CNTNAP2: variants seen among roughly 807,000 people sequenced by gnomAD.
CNTNAP2 encodes contactin-associated protein-like 2.
A neutral mutation model predicts 155.2 loss-of-function variants in CNTNAP2; 98 were observed. The observed-to-expected ratio is 0.63, with a 90% CI of 0.54 to 0.75. The LOEUF (loss-of-function observed/expected upper bound fraction) is 0.75. Ranked by LOEUF, CNTNAP2 falls within the 30% of genes least tolerant of loss-of-function variation. CNTNAP2 has a pLI of 0.00. For missense variants in CNTNAP2, 1,727 were observed against 1,688.1 expected (o/e 1.02, Z -0.40); for synonymous variants, 651 against 631.2 (o/e 1.03, Z -0.47).
intron 11 of CNTNAP2, among the ~76,000 whole-genome samples, chr7:147,543,110 A>G (rs889903526): frequency 1.3e-5 from 2 of 152,246 alleles, no homozygotes; most frequent in Non-Finnish European, 2.9e-5. Context: ...GGATTTACCC[A>G]CATATTTATT....
chr7:146,299,417 T>C (rs1258357738), intron 1 of CNTNAP2, among the ~76,000 whole-genome samples: 2 of 152,294 alleles, frequency 1.3e-5, no homozygotes, highest in East Asian at 3.9e-4. Context: ...TTATTTATTT[T>C]AGAGTTGGAG....
At chr7:148,017,891 G>A (rs890367404) in intron 15 of CNTNAP2, among the ~76,000 whole-genome samples, 9 of 152,160 alleles carry the variant, frequency 5.9e-5, no homozygotes, top group Admixed American at 6.5e-5. Flanking sequence ...AAATAAGTTC[G>A]GCTACCCAAA....
chr7:146,362,766 C>CTTTTTTTTT (rs773124124), intron 1 of CNTNAP2, among the ~76,000 whole-genome samples: 1 of 96,450 alleles, frequency 1.0e-5, no homozygotes, highest in African/African-American at 4.5e-5. Context: ...TCACACAGCA[C>CTTTTTTTTT]TTTTTTTTTT....
At chr7:146,133,695 C>G (rs1030082141) in intron 1 of CNTNAP2, among the ~76,000 whole-genome samples, 5 of 152,050 alleles carry the variant, frequency 3.3e-5, no homozygotes, top group Admixed American at 1.3e-4. Flanking sequence ...GCTTGTTTTT[C>G]TCAGGTTTGT....
At chr7:146,835,320 C>T (rs1401097222) in intron 2 of CNTNAP2, among the ~76,000 whole-genome samples, 7 of 152,148 alleles carry the variant, frequency 4.6e-5, no homozygotes, top group African/African-American at 1.7e-4. Flanking sequence ...CCTGTTACCT[C>T]ATTGTATTAA....
intron 9 of CNTNAP2, among the ~76,000 whole-genome samples, chr7:147,394,854 CTT>C (rs1796785516): frequency 1.6e-5 from 2 of 121,478 alleles, no homozygotes; most frequent in South Asian, 5.2e-4. Context: ...TGTGTTTACT[CTT>C]GTTATTTACT....
chr7:147,083,201 A>G (rs898780981), intron 4 of CNTNAP2: 1 of 152,128 alleles, frequency 6.6e-6, no homozygotes, highest in Non-Finnish European at 1.5e-5. Context: ...TGGACACCCA[A>G]TGAGTAAAAT....
intron 2 of CNTNAP2, among the ~76,000 whole-genome samples, chr7:146,837,005 C>T (rs1184063419): frequency 6.6e-6 from 1 of 151,998 alleles, no homozygotes; most frequent in Non-Finnish European, 1.5e-5. Flanking sequence ...TTAAGATTTT[C>T]TCTTTAGCAT....
At chr7:147,402,021 A>G (rs1465823270) in intron 10 of CNTNAP2, among the ~76,000 whole-genome samples, 2 of 152,252 alleles carry the variant, frequency 1.3e-5, no homozygotes, top group African/African-American at 2.4e-5. Context: ...AACATGTAAC[A>G]TTTATCATTT....
At chr7:147,435,383 T>G (rs1056070480) in intron 10 of CNTNAP2, among the ~76,000 whole-genome samples, 3 of 152,176 alleles carry the variant, frequency 2.0e-5, no homozygotes, top group African/African-American at 7.2e-5. Context: ...CCAGGAGGGC[T>G]TGATTGCTAG....
intron 13 of CNTNAP2, chr7:147,673,250 G>T (rs1285727255): frequency 6.6e-6 from 1 of 152,182 alleles, no homozygotes; most frequent in East Asian, 1.9e-4. Flanking sequence ...TCAGTTGTTG[G>T]TATTGTCTGG....
At chr7:146,358,888 G>C (rs540474543) in intron 1 of CNTNAP2, among the ~76,000 whole-genome samples, 1 of 152,174 alleles carries the variant, frequency 6.6e-6, no homozygotes, top group Non-Finnish European at 1.5e-5. Flanking sequence ...GGAGGTCTTG[G>C]ATTCTGTTTC....
chr7:146,352,349 C>T (rs1158804217), intron 1 of CNTNAP2, among the ~76,000 whole-genome samples: 1 of 151,992 alleles, frequency 6.6e-6, no homozygotes, highest in African/African-American at 2.4e-5. Context: ...ACACGTATTC[C>T]AACAATGATG....
intron 4 of CNTNAP2, among the ~76,000 whole-genome samples, chr7:147,086,426 T>C (rs1257117893): frequency 6.6e-6 from 1 of 152,118 alleles, no homozygotes; most frequent in African/African-American, 2.4e-5. Context: ...AAATTTATTT[T>C]TATTTTTAAT....
intron 3 of CNTNAP2, among the ~76,000 whole-genome samples, chr7:147,009,423 C>A (rs536155996): frequency 2.0e-5 from 3 of 152,258 alleles, no homozygotes; most frequent in Admixed American, 2.0e-4. Flanking sequence ...TGACAACCGA[C>A]AGTTTTCATC....
At chr7:146,612,076 T>C (rs1466499341) in intron 1 of CNTNAP2, among the ~76,000 whole-genome samples, 2 of 152,198 alleles carry the variant, frequency 1.3e-5, no homozygotes, top group South Asian at 4.1e-4. Flanking sequence ...CCCCAAGCTT[T>C]ATTTAAATTG....
chr7:148,152,335 A>G (rs754626018), intron 17 of CNTNAP2, among the ~76,000 whole-genome samples: 69 of 152,016 alleles, frequency 4.5e-4, no homozygotes, highest in Non-Finnish European at 4.0e-4. Flanking sequence ...AGATGGAATC[A>G]TAGGGGTGTG....
chr7:146,137,840 G>C (rs1797819585), intron 1 of CNTNAP2, among the ~76,000 whole-genome samples: 1 of 150,816 alleles, frequency 6.6e-6, no homozygotes, highest in Non-Finnish European at 1.5e-5. Context: ...TTAATCAAAA[G>C]GTTTTTATTT....
Position 147,848,471 on chromosome 7 carries a change from C to A in CNTNAP2, c.2099-55094C>A, listed in dbSNP as rs1161205950. Among the ~76,000 whole-genome samples the A allele has an allele frequency of 9.3e-5, 14 of 150,508 alleles. No individual in the cohort carries two copies. In the East Asian group the frequency reaches 2.4e-3, roughly 26 times the overall value. ...TGCTTCGGCTCGCACACGGTGCGCA[C>A]ACACACTGGCCTGCGCCCACTGTCT... On this transcript the variant is annotated intron_variant, in intron 13 of 23. Coordinates refer to ENST00000361727, the MANE Select transcript of CNTNAP2 (RefSeq NM_014141.6).
Sources: allele counts gnomAD v4.1 joint callset (sites outside exome capture counted in the v4.1 genomes callset), GRCh38; gene constraint gnomAD v4.1.1; transcripts MANE v1.5; gene names NCBI Gene and HGNC (gene_info 2026-07-23, HGNC 2026-07-21).